The following MARCHF3 variants were observed in gnomAD, a reference collection of about 807,000 sequenced individuals.
MARCHF3 encodes the protein E3 ubiquitin-protein ligase MARCHF3.
In MARCHF3, 13 loss-of-function variants were observed where a neutral mutation model predicts 24.2. The observed-to-expected ratio is 0.54, with a 90% CI of 0.35 to 0.85. The LOEUF is 0.85. Ranked by LOEUF, MARCHF3 falls within the 40% of genes least tolerant of loss-of-function variation. The pLI is 0.01. For synonymous variants in MARCHF3, 144 were observed against 137.3 expected, an observed-to-expected ratio of 1.05 and a Z score of -0.34; for missense variants, 276 against 325.0, an observed-to-expected ratio of 0.85 and a Z score of 1.16.
At chr5:126,909,477 G>T (rs940924917) in intron 3 of MARCHF3, among the ~76,000 whole-genome samples, 9 of 152,218 alleles carry the variant, frequency 5.9e-5, no homozygotes, top group African/African-American at 1.7e-4. Context: ...GCGACACTCC[G>T]TGGGCGTAGG....
At chr5:126,969,089 T>C (rs1028700461) in intron 1 of MARCHF3, among the ~76,000 whole-genome samples, 4 of 152,210 alleles carry the variant, frequency 2.6e-5, no homozygotes, top group African/African-American at 7.2e-5. Flanking sequence ...ATCATGAAGA[T>C]TTACATGTGT....
chr5:126,981,816 G>C (rs1315213762), intron 1 of MARCHF3, among the ~76,000 whole-genome samples: 2 of 152,160 alleles, frequency 1.3e-5, no homozygotes, highest in Non-Finnish European at 2.9e-5. Flanking sequence ...ATTATGTTCA[G>C]GGTGAAATTT....
rs1275199804 is a variant in MARCHF3 at position 126,998,471 on chromosome 5, ATGCT to A, written c.-57+31875_-57+31878del. On this transcript the variant is annotated intron_variant, in intron 1 of 4. Coordinates refer to ENST00000308660, the MANE Select transcript of MARCHF3 (RefSeq NM_178450.5). ...GATGGGCATTTGGCCTTTCACCAAC[ATGCT>A]TGTTCCTTGACTTGGCTCTCAGCAA... Among the ~76,000 whole-genome samples, 193 of 152,324 alleles carry A rather than the reference ATGCT, an allele frequency of 1.3e-3. 1 individual carries two copies. Among genetic ancestry groups the A allele is most frequent in the African/African-American group, 4.5e-3 (186 of 41,586 alleles).
rs34090036 is a variant in MARCHF3 at position 126,916,692 on chromosome 5, GACACACACACACACAC to G, written c.188+1276_188+1291del. Reference sequence around the variant, plus strand: ...AAAATACCTGACAGACAGACAGACAGACACACACACACACACACACACACACACACACACACACACA... The same window carrying G: ...AAAATACCTGACAGACAGACAGACAGACACACACACACACACACACACACA... On this transcript the variant is annotated intron_variant, in intron 2 of 4. Coordinates refer to ENST00000308660, the MANE Select transcript of MARCHF3 (RefSeq NM_178450.5). 3.5e-3 allele frequency among the ~76,000 whole-genome samples: 461 copies of G among 130,560 alleles called. 5 individuals carry two copies. The highest frequency in any genetic ancestry group is 0.014 in the African/African-American group (433 of 31,368). 85.7% of individuals were successfully genotyped at this position (130,560 alleles called of 152,430 possible). A position where few individuals can be genotyped will look rare whatever the true frequency, so the allele number is the denominator to read the frequency against.
At chr5:126,889,069 A>T (rs1488629577) in intron 3 of MARCHF3, among the ~76,000 whole-genome samples, 1 of 152,078 alleles carries the variant, frequency 6.6e-6, no homozygotes. Flanking sequence ...CTGGCCCTGT[A>T]TGGTCTTTTT....
At chr5:126,935,540 G>A (rs1038859118) in intron 1 of MARCHF3, among the ~76,000 whole-genome samples, 4 of 141,788 alleles carry the variant, frequency 2.8e-5, no homozygotes, top group Non-Finnish European at 4.6e-5. Context: ...TTTCTGTGCA[G>A]AACACTAACA....
At chr5:127,016,412 T>C (rs1752639946) in intron 1 of MARCHF3, among the ~76,000 whole-genome samples, 1 of 152,110 alleles carries the variant, frequency 6.6e-6, no homozygotes, top group East Asian at 1.9e-4. Flanking sequence ...TAAACAAATT[T>C]ACAAGAAAAA....
intron 1 of MARCHF3, among the ~76,000 whole-genome samples, chr5:127,022,301 G>A (rs1394724481): frequency 6.6e-6 from 1 of 152,190 alleles, no homozygotes; most frequent in African/African-American, 2.4e-5. Flanking sequence ...ACTCTCGAAG[G>A]GAAAAGATTA....
chr5:126,932,226 G>C (rs943895772), intron 1 of MARCHF3, among the ~76,000 whole-genome samples: 23 of 152,352 alleles, frequency 1.5e-4, no homozygotes, highest in South Asian at 1.5e-3. Flanking sequence ...CAAAGCTCAG[G>C]AATCAGACAC....
chr5:127,009,933 G>T (rs896646988), intron 1 of MARCHF3, among the ~76,000 whole-genome samples: 1 of 152,156 alleles, frequency 6.6e-6, no homozygotes, highest in African/African-American at 2.4e-5. Flanking sequence ...CTACAAGAAG[G>T]AATAATAAAC....
intron 1 of MARCHF3, among the ~76,000 whole-genome samples, chr5:127,006,678 C>G (rs933938072): frequency 2.6e-5 from 4 of 152,132 alleles, no homozygotes. Flanking sequence ...TATCTGTAAG[C>G]TTGACAGTTC....
intron 1 of MARCHF3, among the ~76,000 whole-genome samples, chr5:126,981,458 T>A (rs7721948): frequency 0.55 from 84,389 of 152,094 alleles, 24,212 homozygotes; most frequent in East Asian, 0.79. Flanking sequence ...GTAAGACGAG[T>A]CTTCTGAGAC....
At chr5:126,948,652 G>A (rs1750110300) in intron 1 of MARCHF3, among the ~76,000 whole-genome samples, 1 of 152,192 alleles carries the variant, frequency 6.6e-6, no homozygotes, top group South Asian at 2.1e-4. Context: ...TATTTCTTAA[G>A]TGCTTGGGGA....
At chr5:126,963,901 G>A (rs1732994016) in intron 1 of MARCHF3, among the ~76,000 whole-genome samples, 1 of 152,116 alleles carries the variant, frequency 6.6e-6, no homozygotes, top group Admixed American at 6.5e-5. Context: ...CCCACCTAAG[G>A]GGAAGCATCA....
At chr5:126,942,743 A>T (rs892700961) in intron 1 of MARCHF3, among the ~76,000 whole-genome samples, 5 of 152,186 alleles carry the variant, frequency 3.3e-5, no homozygotes, top group African/African-American at 4.8e-5. Context: ...CCAAGTGGTT[A>T]TTGGCTTTTA....
At chr5:127,017,107 C>T (rs905377054) in intron 1 of MARCHF3, among the ~76,000 whole-genome samples, 2 of 152,064 alleles carry the variant, frequency 1.3e-5, no homozygotes, top group African/African-American at 4.8e-5. Flanking sequence ...CGCACTGGGG[C>T]CTGTCAGGTG....
At chr5:127,026,847 T>C (rs958455771) in intron 1 of MARCHF3, among the ~76,000 whole-genome samples, 4 of 152,226 alleles carry the variant, frequency 2.6e-5, no homozygotes, top group Admixed American at 1.3e-4. Context: ...AATTACTCTG[T>C]AAAAGTTCCA....
intron 1 of MARCHF3, among the ~76,000 whole-genome samples, chr5:127,002,326 C>G (rs987216690): frequency 3.3e-5 from 5 of 152,142 alleles, no homozygotes; most frequent in African/African-American, 1.2e-4. Context: ...TGTTAGTTTT[C>G]AAGTTCCTTT....
intron 1 of MARCHF3, among the ~76,000 whole-genome samples, chr5:126,944,641 A>G (rs983677844): frequency 2.6e-5 from 4 of 152,192 alleles, no homozygotes; most frequent in Admixed American, 1.3e-4. Context: ...TCACACCCTG[A>G]AGAGGTATGT....
Sources: gnomAD v4.1 joint callset for allele counts (sites outside exome capture counted in the v4.1 genomes callset) on GRCh38, gnomAD v4.1.1 for gene constraint, MANE v1.5 for transcripts, NCBI Gene and HGNC (gene_info 2026-07-23, HGNC 2026-07-21) for gene names.